Variants in SYNPR observed in about 807,000 individuals in gnomAD.
The protein encoded by SYNPR is synaptoporin.
Under a neutral mutation model 32.9 loss-of-function variants are expected in SYNPR, and 23 were observed. The ratio of observed to expected loss-of-function variants is 0.70; its 90% CI spans 0.50 to 0.99. SYNPR has a LOEUF of 0.99. SYNPR is among the 50% of genes least tolerant of loss of function. The pLI, the probability that SYNPR is intolerant of heterozygous loss-of-function variation, is 0.00. For missense variants in SYNPR, 318 were observed against 349.3 expected, an observed-to-expected ratio of 0.91 and a Z score of 0.71; for synonymous variants, 146 against 135.9, an observed-to-expected ratio of 1.07 and a Z score of -0.52.
intron 2 of SYNPR, among the ~76,000 whole-genome samples, chr3:63,264,335 A>G (rs988114597): frequency 1.3e-5 from 2 of 152,222 alleles, no homozygotes; most frequent in Non-Finnish European, 2.9e-5. Context: ...GGTGATGAAT[A>G]TGATGCCTGA....
chr3:63,229,563 C>A (rs905773862), intron 1 of SYNPR, among the ~76,000 whole-genome samples: 45 of 152,118 alleles, frequency 3.0e-4, no homozygotes, highest in African/African-American at 1.0e-3. Flanking sequence ...GAAGTGTAAA[C>A]TGTGTTAATA....
chr3:63,574,046 T>G (rs1702936900), intron 4 of SYNPR, among the ~76,000 whole-genome samples: 1 of 152,184 alleles, frequency 6.6e-6, no homozygotes, highest in Admixed American at 6.6e-5. Flanking sequence ...AATATTTATG[T>G]GGCTTTATAA....
At chr3:63,311,916 C>A (rs1402146422) in intron 2 of SYNPR, among the ~76,000 whole-genome samples, 1 of 151,622 alleles carries the variant, frequency 6.6e-6, no homozygotes. Flanking sequence ...TAAGACATAC[C>A]CATCCTTGTA....
intron 4 of SYNPR, among the ~76,000 whole-genome samples, chr3:63,588,353 T>G (rs1309928377): frequency 2.6e-5 from 4 of 152,104 alleles, no homozygotes. Flanking sequence ...CTGTGTCTCC[T>G]GTAAGCTACA....
At chr3:63,373,251 G>A (rs1282740291) in intron 2 of SYNPR, among the ~76,000 whole-genome samples, 1 of 152,106 alleles carries the variant, frequency 6.6e-6, no homozygotes, top group African/African-American at 2.4e-5. Flanking sequence ...GACAGAAATA[G>A]AATGCAGAAT....
At chr3:63,302,648 G>A (rs1466425607) in intron 2 of SYNPR, among the ~76,000 whole-genome samples, 1 of 151,636 alleles carries the variant, frequency 6.6e-6, no homozygotes, top group East Asian at 1.9e-4. Context: ...AATGAAATAA[G>A]GCACCAATAA....
chr3:63,392,120 C>T (rs988036792), intron 2 of SYNPR, among the ~76,000 whole-genome samples: 2 of 152,150 alleles, frequency 1.3e-5, no homozygotes, highest in Non-Finnish European at 1.5e-5. Flanking sequence ...TGTAACGATA[C>T]ATTTATTATA....
chr3:63,209,473 T>TG, the SYNPR span, among the ~76,000 whole-genome samples: 5 of 152,106 alleles, frequency 3.3e-5, no homozygotes, highest in African/African-American at 7.2e-5. Flanking sequence ...CTGAACAGTC[T>TG]GGGGGGGTTA....
chr3:63,571,283 T>C (rs1702881021), intron 4 of SYNPR, among the ~76,000 whole-genome samples: 1 of 152,180 alleles, frequency 6.6e-6, no homozygotes, highest in African/African-American at 2.4e-5. Context: ...AAAATGAAAT[T>C]AAAAATAGTA....
chr3:63,488,931 T>C (rs1466349413), intron 3 of SYNPR, among the ~76,000 whole-genome samples: 1 of 152,170 alleles, frequency 6.6e-6, no homozygotes, highest in Non-Finnish European at 1.5e-5. Flanking sequence ...CACCCCACTG[T>C]TCCCCTCTCA....
intron 2 of SYNPR, among the ~76,000 whole-genome samples, chr3:63,426,966 G>A (rs1699903933): frequency 6.6e-6 from 1 of 152,006 alleles, no homozygotes; most frequent in Non-Finnish European, 1.5e-5. Context: ...ACTATGTCGA[G>A]CCTTGTAGTT....
chr3:63,481,025 G>A (rs779925477), intron 3 of SYNPR, 69 bp downstream of exon 3: 1 of 1,549,544 alleles, frequency 6.5e-7, no homozygotes, highest in Non-Finnish European at 8.7e-7. Context: ...CTTTGTCTCA[G>A]AAAAAATGCA....
At chr3:63,251,354 G>A (rs9844235) in intron 1 of SYNPR, among the ~76,000 whole-genome samples, 35,290 of 151,904 alleles carry the variant, frequency 0.23, 4,409 homozygotes, top group South Asian at 0.39. Flanking sequence ...TGGGAGAAGA[G>A]GAGTTAGAAG....
chr3:63,584,951 T>G (rs993439911), intron 4 of SYNPR, among the ~76,000 whole-genome samples: 1 of 152,120 alleles, frequency 6.6e-6, no homozygotes, highest in African/African-American at 2.4e-5. Flanking sequence ...CCAGACTTAC[T>G]GAATTAGAAT....
chr3:63,364,124 CAAAG>C lies in SYNPR; in HGVS notation c.84+85384_84+85387del, dbSNP rs2087700837. On this transcript the variant is annotated intron_variant, in intron 2 of 5. Coordinates refer to ENST00000478300, the MANE Select transcript of SYNPR (RefSeq NM_001130003.2). ...AACTCATGTTTTCTATTTATCCTGT[CAAAG>C]AGAGTGGCCACTGGTCTAGAAATAT... is the stretch of plus-strand genomic sequence containing the variant. 2.0e-5 allele frequency among the ~76,000 whole-genome samples: 3 copies of C among 152,152 alleles called. No homozygotes were observed. In the South Asian group the frequency reaches 6.2e-4, roughly 31 times the overall value.
chr3:63,443,171 C>A, intron 2 of SYNPR: 2 of 1,222,152 alleles, frequency 1.6e-6, no homozygotes, highest in Non-Finnish European at 2.1e-6. Context: ...CAGCGTTCAC[C>A]AGAGGGGAGT....
chr3:63,550,384 CGT>C (rs1029148900), intron 3 of SYNPR, among the ~76,000 whole-genome samples: 3 of 151,278 alleles, frequency 2.0e-5, no homozygotes, highest in Non-Finnish European at 4.4e-5. Context: ...TGTATATACA[CGT>C]GTGTTTGTGT....
chr3:63,252,035 G>GCCCCCA (rs1491404579), intron 1 of SYNPR, among the ~76,000 whole-genome samples: 2 of 151,564 alleles, frequency 1.3e-5, no homozygotes, highest in African/African-American at 4.8e-5. Flanking sequence ...TGGTATGGGG[G>GCCCCCA]TACCATGGAG....
intron 4 of SYNPR, among the ~76,000 whole-genome samples, chr3:63,593,845 G>A (rs1026672228): frequency 1.3e-5 from 2 of 152,136 alleles, no homozygotes; most frequent in African/African-American, 4.8e-5. Flanking sequence ...CTCAGGCAGA[G>A]TATAGGCCAC....
Sources: allele counts gnomAD v4.1 joint callset (sites outside exome capture counted in the v4.1 genomes callset), GRCh38; gene constraint gnomAD v4.1.1; transcripts MANE v1.5; gene names NCBI Gene and HGNC (gene_info 2026-07-23, HGNC 2026-07-21).